ZNF584: variants seen among roughly 807,000 people sequenced by gnomAD.
The protein encoded by ZNF584 is zinc finger protein 584.
A neutral mutation model predicts 14.7 loss-of-function variants in ZNF584; 12 were observed. The ratio of observed to expected loss-of-function variants is 0.82; its 90% CI spans 0.52 to 1.32. The LOEUF is 1.32. ZNF584 is among the 40% of genes most tolerant of loss of function. The probability of loss-of-function intolerance (pLI) is 0.00; values close to 1 mark genes in which losing one functional copy is unlikely to be tolerated. For missense variants in ZNF584, 478 were observed against 518.8 expected, an observed-to-expected ratio of 0.92 and a Z score of 0.76; for synonymous variants, 204 against 190.9, an observed-to-expected ratio of 1.07 and a Z score of -0.57.
chr19:58,411,987 T>G (rs1156587241), intron 2 of ZNF584, among the ~76,000 whole-genome samples: 1 of 142,936 alleles, frequency 7.0e-6, no homozygotes, highest in Non-Finnish European at 1.5e-5. Context: ...GTTTTTTTTT[T>G]TTTTTTTTTT....
At chr19:58,412,530 C>T (rs1247324036) in intron 2 of ZNF584, among the ~76,000 whole-genome samples, 3 of 152,112 alleles carry the variant, frequency 2.0e-5, no homozygotes, top group Admixed American at 2.0e-4. Flanking sequence ...GTCTTGAACT[C>T]CCGACCTCAG....
chr19:58,417,102 C>G lies in ZNF584; in HGVS notation c.584C>G (p.Ala195Gly). Residue 195 changes from alanine (A) to glycine (G), a missense_variant, in exon 4 of 4, where the codon GCT (alanine) becomes GGT (glycine). Ala to Gly is a moderately conservative substitution (Grantham distance 60). Coordinates refer to ENST00000306910, the MANE Select transcript of ZNF584 (RefSeq NM_173548.3). ...TTCAGATGCCCAACAGGCAGAAGTG[C>G]TTTCAAGAAGTCAGCTCATATTAAC... ...RPFRCPTGRS[A>G]FKKSAHINPR... The G allele has an allele frequency of 6.2e-7, 1 of 1,613,994 alleles. No homozygotes were observed. Among genetic ancestry groups the G allele is most frequent in the South Asian group, 1.1e-5 (1 of 91,066 alleles).
upstream of ZNF584, among the ~76,000 whole-genome samples, chr19:58,403,745 C>T (rs1181428992): frequency 2.0e-5 from 3 of 151,870 alleles, no homozygotes; most frequent in African/African-American, 2.4e-5. Context: ...CTGAGCGGGG[C>T]GGATCACGAG....
rs745923931 is a variant in ZNF584, at chr19:58,417,068, G to A, written c.550G>A (p.Glu184Lys). The A allele has an allele frequency of 1.2e-6, 2 of 1,613,826 alleles. No homozygotes were observed. Among genetic ancestry groups the A allele is most frequent in the South Asian group, 2.2e-5 (2 of 91,046 alleles). The change falls in exon 4 of 4, where the codon GAG (glutamate) becomes AAG (lysine). Residue 184 changes from glutamate to lysine, a missense_variant. Transcript: ENST00000306910. ...TGACCATCTGATAACGCATTCTGAAGAGAGACCCTTCAGATGCCCAACAGG... is the reference window on the plus strand; with the variant it reads ...TGACCATCTGATAACGCATTCTGAAAAGAGACCCTTCAGATGCCCAACAGG... ...LLDHLITHSE[E>K]RPFRCPTGRS... is the part of the protein sequence containing the mutation.
chr19:58,403,089 A>G (rs1393799441), intron 1 of ZNF584, among the ~76,000 whole-genome samples: 2 of 152,242 alleles, frequency 1.3e-5, no homozygotes, highest in African/African-American at 2.4e-5. Flanking sequence ...GCAAAATGGT[A>G]TAGCCACTTT....
intron 3 of ZNF584, chr19:58,415,851 CT>C: frequency 6.2e-7 from 1 of 1,600,152 alleles, no homozygotes; most frequent in Non-Finnish European, 8.5e-7. Context: ...TGGCCTGCGT[CT>C]CCTCATTGCC....
At chr19:58,409,256 GCGTATGATTCC>G in intron 1 of ZNF584, 91 bp downstream of exon 1, 1 of 1,324,456 alleles carries the variant, frequency 7.6e-7, no homozygotes, top group Non-Finnish European at 9.8e-7. Flanking sequence ...CAGGAGATCT[GCGTATGATTCC>G]AGGGGGAGGT....
chr19:58,406,349 GGGGGGGGAGGGGGA>G, upstream of ZNF584: 1 of 61,598 alleles, frequency 1.6e-5, no homozygotes, highest in South Asian at 5.3e-4. Flanking sequence ...AAGAGCGGGG[GGGGGGGGAGGGGGA>G]GGGGGAGGAG....
At chr19:58,415,957 C>G in intron 3 of ZNF584, 1 of 1,594,544 alleles carries the variant, frequency 6.3e-7, no homozygotes. Context: ...GAACTTCAGC[C>G]AATCCTTAAT....
intron 3 of ZNF584, chr19:58,416,200 G>A: frequency 2.6e-6 from 1 of 381,302 alleles, no homozygotes; most frequent in Non-Finnish European, 4.8e-6. Flanking sequence ...AGTTGTGCCA[G>A]GCTTTCCCAA....
In ZNF584 at chr19:58,417,090, C is replaced by G; in HGVS notation, c.572C>G (p.Thr191Arg). 1.2e-6 allele frequency: 2 copies of G among 1,613,968 alleles called. No homozygotes were observed. Among genetic ancestry groups the G allele is most frequent in the South Asian group, 2.2e-5 (2 of 91,062 alleles). ...GAAGAGAGACCCTTCAGATGCCCAA[C>G]AGGCAGAAGTGCTTTCAAGAAGTCA... The part of the protein sequence containing the change: ...HSEERPFRCP[T>R]GRSAFKKSAH... Residue 191 changes from threonine (T) to arginine (R), a missense_variant, in exon 4 of 4, where the codon ACA becomes AGA. Thr to Arg is a moderately conservative substitution (Grantham distance 71, BLOSUM62 -1). Transcript: ENST00000306910.
intron 3 of ZNF584, chr19:58,416,191 GT>G (rs766621295): frequency 9.9e-6 from 4 of 403,032 alleles, no homozygotes; most frequent in Non-Finnish European, 1.8e-5. Context: ...GCCATATTCA[GT>G]TGTGCCAGGC....
intron 2 of ZNF584, among the ~76,000 whole-genome samples, chr19:58,411,353 C>T (rs186246812): frequency 2.1e-4 from 32 of 151,444 alleles, no homozygotes; most frequent in Admixed American, 2.0e-3. Context: ...ATGGTGAAAC[C>T]CCATCTCTAC....
Position 58,408,838 on chromosome 19 carries a change from C to A in ZNF584, c.-310C>A, listed in dbSNP as rs1444080877. On this transcript the variant is annotated 5_prime_UTR_variant, in exon 1 of 4. Coordinates refer to ENST00000306910, the MANE Select transcript of ZNF584 (RefSeq NM_173548.3). The stretch of plus-strand genomic sequence containing the variant: ...AGCTCTGCGTGGGCCGGGGTGACTT[C>A]CTCGCGATCCCCTGCGCGAGGTGAA... 1.8e-5 allele frequency: 6 copies of A among 324,410 alleles called. No individual in the cohort carries two copies. Among genetic ancestry groups the A allele is most frequent in the African/African-American group, 1.3e-4 (6 of 46,892 alleles). The allele number at this position is 324,410 out of a possible 1,614,324, so 20.1% of individuals were successfully genotyped here. A position where few individuals can be genotyped will look rare whatever the true frequency, so the allele number is the denominator to read the frequency against.
At chr19:58,405,898 A>G (rs2122192075), upstream of ZNF584, 1 of 162,030 alleles carries the variant, frequency 6.2e-6, no homozygotes, top group South Asian at 1.1e-4. Flanking sequence ...CACATCCCAG[A>G]TGATGGGCGG....
At chr19:58,415,277 C>T (rs1376066389) in intron 2 of ZNF584, among the ~76,000 whole-genome samples, 1 of 152,120 alleles carries the variant, frequency 6.6e-6, no homozygotes, top group Non-Finnish European at 1.5e-5. Flanking sequence ...GACGCTTTGA[C>T]CTCCTAGGCT....
At chr19:58,410,691 A>ATGTG (rs1190950350) in intron 2 of ZNF584, among the ~76,000 whole-genome samples, 1 of 55,524 alleles carries the variant, frequency 1.8e-5, no homozygotes, top group African/African-American at 1.5e-4. Flanking sequence ...ATATGTATAT[A>ATGTG]TGTATATATA....
intron 2 of ZNF584, among the ~76,000 whole-genome samples, chr19:58,410,528 T>TAG: frequency 5.6e-5 from 1 of 17,990 alleles, no homozygotes; most frequent in South Asian, 1.3e-3. Flanking sequence ...AATATATATA[T>TAG]ATATATATAT....
Position 58,410,518 on chromosome 19 carries a change from AATATAT to A in ZNF584, c.169+462_169+467del, listed in dbSNP as rs1156543028. On this transcript the variant is annotated intron_variant, in intron 2 of 3. Coordinates refer to ENST00000306910, the MANE Select transcript of ZNF584 (RefSeq NM_173548.3). ...GAATTTTAATCAGAACGGTTTGGGA[AATATAT>A]ATATATATATATATATATATATATA... is the stretch of plus-strand genomic sequence containing the variant. Among the ~76,000 whole-genome samples, 100 of 77,186 alleles carry A rather than the reference AATATAT, an allele frequency of 1.3e-3. 9 individuals carry two copies. Among genetic ancestry groups the A allele is most frequent in the Middle Eastern group, 7.5e-3 (1 of 134 alleles). The allele number at this position is 77,186 out of a possible 152,430, so 50.6% of individuals were successfully genotyped here. A position where few individuals can be genotyped will look rare whatever the true frequency, so the allele number is the denominator to read the frequency against.
Sources: gnomAD v4.1 joint callset for allele counts (sites outside exome capture counted in the v4.1 genomes callset) on GRCh38, gnomAD v4.1.1 for gene constraint, MANE v1.5 for transcripts, NCBI Gene and HGNC (gene_info 2026-07-23, HGNC 2026-07-21) for gene names.